The following ARHGEF10 variants were observed in gnomAD, a reference collection of about 807,000 sequenced individuals.
The protein encoded by ARHGEF10 is Rho guanine nucleotide exchange factor (GEF) 10.
ARHGEF10 carries 140 observed loss-of-function variants against 147.4 expected under a neutral mutation model. That is an observed-to-expected ratio of 0.95 (90% CI 0.83 to 1.09). The LOEUF (loss-of-function observed/expected upper bound fraction) is 1.09, where lower values mean the gene tolerates loss of function less well. Among genes scored for constraint, ARHGEF10 ranks in the 50% least tolerant of loss-of-function variants. The probability of loss-of-function intolerance (pLI) is 0.00; values close to 1 mark genes in which losing one functional copy is unlikely to be tolerated. For missense variants in ARHGEF10, 2,222 were observed against 1,752.7 expected (o/e 1.27, Z -4.78); for synonymous variants, 902 against 695.8 (o/e 1.30, Z -4.67).
chr8:1,918,496 GTGTGTGTGTT>G (rs1225047593), intron 18 of ARHGEF10, among the ~76,000 whole-genome samples: 4 of 149,314 alleles, frequency 2.7e-5, no homozygotes, highest in African/African-American at 9.9e-5. Context: ...GTGTGTGTGT[GTGTGTGTGTT>G]ATTTTAAAAA....
intron 2 of ARHGEF10, among the ~76,000 whole-genome samples, chr8:1,845,482 G>T (rs978739059): frequency 2.0e-4 from 30 of 152,218 alleles, no homozygotes; most frequent in Admixed American, 5.9e-4. Context: ...GGCGGGTACA[G>T]TTGTTGGGGA....
chr8:1,912,237 G>A (rs903853846), intron 18 of ARHGEF10, among the ~76,000 whole-genome samples: 6 of 151,946 alleles, frequency 3.9e-5, no homozygotes, highest in South Asian at 2.1e-4. Context: ...CCGCAGAAGC[G>A]CCATGTGGAT....
chr8:1,861,812 C>A (rs374284017), intron 4 of ARHGEF10, among the ~76,000 whole-genome samples: 1 of 152,132 alleles, frequency 6.6e-6, no homozygotes. Context: ...TGAGAACCCC[C>A]TGGAAATGAG....
chr8:1,855,367 G>A (rs1805469784), intron 2 of ARHGEF10, among the ~76,000 whole-genome samples: 1 of 151,842 alleles, frequency 6.6e-6, no homozygotes, highest in Non-Finnish European at 1.5e-5. Context: ...ACTTTTTTTG[G>A]GGTGGTCAGA....
chr8:1,945,349 G>A (rs542302812), intron 26 of ARHGEF10, 132 bp from the exon 27 acceptor site: 383 of 1,134,758 alleles, frequency 3.4e-4, no homozygotes, highest in South Asian at 1.3e-4. Flanking sequence ...GGAGACGCCT[G>A]TGATTTGGAG....
chr8:1,933,257 C>A (rs1018603781), intron 25 of ARHGEF10, among the ~76,000 whole-genome samples: 1 of 152,158 alleles, frequency 6.6e-6, no homozygotes, highest in Non-Finnish European at 1.5e-5. Flanking sequence ...GAGCAAGGCA[C>A]ATGTTAGAAC....
rs397840091 is a variant in ARHGEF10 at position 1,896,457 on chromosome 8, C to CT, written c.1557+18dup. 6.4e-3 allele frequency: 9,461 copies of CT among 1,473,466 alleles called. 71 individuals carry two copies. The highest frequency in any genetic ancestry group is 0.056 in the African/African-American group (3,983 of 70,608). 91.3% of individuals were successfully genotyped at this position (1,473,466 alleles called of 1,614,324 possible). A position where few individuals can be genotyped will look rare whatever the true frequency, so the allele number is the denominator to read the frequency against. The stretch of plus-strand genomic sequence containing the variant: ...TTTCTTGAATTTTTAAAGGTAAGCG[C>CT]TTTTTTTTTTCATTTGGGTTTTAAC... On this transcript the variant is annotated intron_variant, in intron 14 of 28. Coordinates refer to ENST00000349830, the MANE Select transcript of ARHGEF10 (RefSeq NM_014629.4).
intron 1 of ARHGEF10, among the ~76,000 whole-genome samples, chr8:1,830,440 T>G (rs1489195745): frequency 4.6e-5 from 7 of 152,248 alleles, no homozygotes; most frequent in Admixed American, 3.3e-4. Flanking sequence ...TAGTGCCCTT[T>G]TGTGCTTATG....
intron 7 of ARHGEF10, among the ~76,000 whole-genome samples, chr8:1,872,404 GAATT>G (rs1585338411): frequency 1.3e-5 from 2 of 152,292 alleles, no homozygotes; most frequent in Non-Finnish European, 2.9e-5. Context: ...GATGAGGTGA[GAATT>G]AGTTTATAAT....
chr8:1,936,245 C>T (rs917557852), intron 26 of ARHGEF10, among the ~76,000 whole-genome samples: 2 of 152,154 alleles, frequency 1.3e-5, no homozygotes, highest in African/African-American at 2.4e-5. Context: ...CCGGGCACAG[C>T]GGCTCACACC....
At chr8:1,936,390 C>T (rs1813607820) in intron 26 of ARHGEF10, among the ~76,000 whole-genome samples, 1 of 152,100 alleles carries the variant, frequency 6.6e-6, no homozygotes, top group South Asian at 2.1e-4. Context: ...TAGTGCATGC[C>T]TGTAGGATAT....
At position 1,958,630 on chromosome 8, in the gene ARHGEF10, T is replaced by C. The variant is rs1815759783; in HGVS notation, c.*1367T>C. On this transcript the variant is annotated 3_prime_UTR_variant, in exon 29 of 29. Coordinates refer to ENST00000349830, the MANE Select transcript of ARHGEF10 (RefSeq NM_014629.4). ...TGACTTCATCAATAAAGTATTTTTA[T>C]TTTAAAATGCAGTAGGATGAGTTGC... The C allele has an allele frequency of 6.6e-6, 1 of 152,106 alleles. No homozygotes were observed. Among genetic ancestry groups the C allele is most frequent in the South Asian group, 2.1e-4 (1 of 4,818 alleles). The allele number at this position is 152,106 out of a possible 1,614,324, so 9.4% of individuals were successfully genotyped here.
rs1810664392 is a variant in ARHGEF10 at position 1,903,684 on chromosome 8, T to G, written c.1821+233T>G. ...TTTTCTTAGGAAAGAGATTCATACA[T>G]TCATTAGACCCTCAAATGGATCCAG... On this transcript the variant is annotated intron_variant, in intron 16 of 28. Coordinates refer to ENST00000349830, the MANE Select transcript of ARHGEF10 (RefSeq NM_014629.4). 33 of 599,264 alleles carry G rather than the reference T, an allele frequency of 5.5e-5. 3 individuals are homozygous for G. The South Asian group carries it at 6.1e-4, about 11-fold the overall frequency. 37.1% of individuals were successfully genotyped at this position (599,264 alleles called of 1,614,324 possible).
Position 1,956,738 on chromosome 8 carries a change from T to G in ARHGEF10, c.3521-11T>G. 6.2e-7 allele frequency: 1 copy of G among 1,613,710 alleles called. No homozygotes were observed. The highest frequency in any genetic ancestry group is 8.5e-7 in the Non-Finnish European group (1 of 1,179,934). On this transcript the variant is annotated splice_polypyrimidine_tract_variant and intron_variant, in intron 28 of 28. Coordinates refer to ENST00000349830, the MANE Select transcript of ARHGEF10 (RefSeq NM_014629.4). ...TTTAAAAGACAGCTGTTGAACTGTT[T>G]CCCTTTTCAGGAAGAGGCATGGTCT...
chr8:1,875,860 G>C (rs1262668507), intron 7 of ARHGEF10, among the ~76,000 whole-genome samples: 1 of 152,198 alleles, frequency 6.6e-6, no homozygotes, highest in Non-Finnish European at 1.5e-5. Flanking sequence ...TACAGTGAAT[G>C]ACTGTGGATG....
intron 1 of ARHGEF10, among the ~76,000 whole-genome samples, chr8:1,837,326 C>G (rs978463910): frequency 2.0e-5 from 3 of 152,216 alleles, no homozygotes; most frequent in Non-Finnish European, 4.4e-5. Flanking sequence ...CAGGCAGACG[C>G]CATGGTCGGT....
At chr8:1,886,324 G>A (rs1206819500) in intron 11 of ARHGEF10, among the ~76,000 whole-genome samples, 2 of 152,182 alleles carry the variant, frequency 1.3e-5, no homozygotes, top group African/African-American at 4.8e-5. Flanking sequence ...CACATGGGCA[G>A]CGAGGTGCAA....
intron 5 of ARHGEF10, 43 bp from the exon 6 acceptor site, chr8:1,866,483 G>C: frequency 6.3e-7 from 1 of 1,592,384 alleles, no homozygotes; most frequent in Non-Finnish European, 8.6e-7. Context: ...AGTGACTTGG[G>C]CTGTGCCTGG....
chr8:1,840,912 C>T (rs539804402), intron 1 of ARHGEF10, among the ~76,000 whole-genome samples: 20 of 152,262 alleles, frequency 1.3e-4, no homozygotes, highest in South Asian at 6.2e-4. Context: ...GTGCGCTGGC[C>T]GGCACTCGGA....
Sources: gnomAD v4.1 joint callset for allele counts (sites outside exome capture counted in the v4.1 genomes callset) on GRCh38, gnomAD v4.1.1 for gene constraint, MANE v1.5 for transcripts, NCBI Gene and HGNC (gene_info 2026-07-23, HGNC 2026-07-21) for gene names.